Variants in EPHA4 observed in about 807,000 individuals in gnomAD.
The protein encoded by EPHA4 is EPH receptor A4.
In EPHA4, 19 loss-of-function variants were observed where a neutral mutation model predicts 108.3. That is an observed-to-expected ratio of 0.18 (90% CI 0.12 to 0.26). EPHA4 has a LOEUF of 0.26. Ranked by LOEUF, EPHA4 falls within the 10% of genes least tolerant of loss-of-function variation. EPHA4 has a pLI of 1.00. For missense variants in EPHA4, 917 were observed against 1,254.0 expected, an observed-to-expected ratio of 0.73 and a Z score of 4.06; for synonymous variants, 449 against 455.5, an observed-to-expected ratio of 0.99 and a Z score of 0.18.
chr2:221,437,922 G>C (rs62180560), intron 11 of EPHA4, among the ~76,000 whole-genome samples: 38,048 of 151,658 alleles, frequency 0.25, 4,929 homozygotes, highest in African/African-American at 0.31. Flanking sequence ...CAGAGACTCC[G>C]TCTCAAAAAA....
At chr2:221,558,439 C>A (rs984344249) in intron 3 of EPHA4, among the ~76,000 whole-genome samples, 16 of 151,998 alleles carry the variant, frequency 1.1e-4, no homozygotes, top group Non-Finnish European at 1.5e-4. Flanking sequence ...TTCCCCCACC[C>A]CCCGCCATTA....
At chr2:221,457,630 C>A (rs907170473) in intron 6 of EPHA4, among the ~76,000 whole-genome samples, 4 of 152,046 alleles carry the variant, frequency 2.6e-5, no homozygotes, top group Admixed American at 2.0e-4. Context: ...ATTTCATAAT[C>A]ATACTTAATT....
chr2:221,454,049 G>T (rs191865692), intron 8 of EPHA4, among the ~76,000 whole-genome samples: 1 of 151,934 alleles, frequency 6.6e-6, no homozygotes, highest in Non-Finnish European at 1.5e-5. Flanking sequence ...GTGTGGTGGC[G>T]TGTGCCTGTA....
chr2:221,516,450 G>T (rs904135299), intron 3 of EPHA4, among the ~76,000 whole-genome samples: 1 of 150,320 alleles, frequency 6.7e-6, no homozygotes, highest in Admixed American at 6.7e-5. Flanking sequence ...CGCCTCTCAG[G>T]TTCAAGTGAT....
chr2:221,497,248 T>A (rs1692326053), intron 4 of EPHA4, among the ~76,000 whole-genome samples: 1 of 151,928 alleles, frequency 6.6e-6, no homozygotes, highest in Non-Finnish European at 1.5e-5. Flanking sequence ...GCCCCAGAGG[T>A]AGATGGTGAG....
chr2:221,495,385 C>T (rs950708786), intron 4 of EPHA4, among the ~76,000 whole-genome samples: 7 of 152,160 alleles, frequency 4.6e-5, no homozygotes, highest in South Asian at 4.1e-4. Context: ...TGCCTAAAGA[C>T]GGTTTTACAG....
chr2:221,560,870 A>T (rs1694440910), intron 3 of EPHA4, among the ~76,000 whole-genome samples: 1 of 152,162 alleles, frequency 6.6e-6, no homozygotes, highest in South Asian at 2.1e-4. Context: ...GCTACTCTTG[A>T]TGCCTATCAT....
At chr2:221,445,459 G>A (rs1574568942) in intron 9 of EPHA4, among the ~76,000 whole-genome samples, 2 of 151,676 alleles carry the variant, frequency 1.3e-5, no homozygotes, top group African/African-American at 2.4e-5. Context: ...GGGTCGTGGC[G>A]GGTGCCTGTA....
chr2:221,486,306 A>T (rs1394349606), intron 4 of EPHA4, among the ~76,000 whole-genome samples: 5 of 152,140 alleles, frequency 3.3e-5, no homozygotes, highest in Non-Finnish European at 5.9e-5. Flanking sequence ...ACCAGTCCTT[A>T]TGCTTATGTC....
chr2:221,453,464 C>T (rs1690845578), intron 8 of EPHA4, among the ~76,000 whole-genome samples: 1 of 152,010 alleles, frequency 6.6e-6, no homozygotes, highest in African/African-American at 2.4e-5. Flanking sequence ...CGTACATATA[C>T]AAAACTAAAT....
rs941204712 is a variant in EPHA4, at chr2:221,482,106, C to A, written c.1318+246G>T. Among the ~76,000 whole-genome samples the A allele has an allele frequency of 2.0e-5, 3 of 152,054 alleles. No individual in the cohort carries two copies. In the East Asian group the frequency reaches 5.8e-4, roughly 29 times the overall value. ...TTTTTTTGTAGAGATGGGGTGTCATCGTGTTGCCCAGTCTGGTCTTGATCA... is the reference window on the plus strand; with the variant it reads ...TTTTTTTGTAGAGATGGGGTGTCATAGTGTTGCCCAGTCTGGTCTTGATCA... On this transcript the variant is annotated intron_variant, in intron 5 of 17. Transcript: ENST00000281821.
chr2:221,507,107 G>A (rs1692653942), intron 3 of EPHA4, among the ~76,000 whole-genome samples: 1 of 152,168 alleles, frequency 6.6e-6, no homozygotes, highest in Non-Finnish European at 1.5e-5. Context: ...GCCAACCAGT[G>A]ATCTTGTAGG....
intron 3 of EPHA4, among the ~76,000 whole-genome samples, chr2:221,502,111 T>A (rs990878225): frequency 1.3e-5 from 2 of 152,132 alleles, no homozygotes; most frequent in African/African-American, 2.4e-5. Context: ...GTCATCATAC[T>A]GACACTAAGG....
At chr2:221,462,025 T>A (rs1203543539) in intron 5 of EPHA4, among the ~76,000 whole-genome samples, 2 of 145,076 alleles carry the variant, frequency 1.4e-5, no homozygotes, top group Admixed American at 7.4e-5. Flanking sequence ...AAGAAAGAGA[T>A]GCATCATAGA....
chr2:221,425,908 T>A lies in EPHA4; in HGVS notation c.*120A>T. The stretch of plus-strand genomic sequence containing the variant: ...CAAGCAACGCTGCAGATATTGTTTT[T>A]TTTTTTCATTTCTTTAATTTCAGAG... On this transcript the variant is annotated 3_prime_UTR_variant, in exon 17 of 18. Transcript: ENST00000281821. The A allele has an allele frequency of 7.1e-6, 6 of 848,488 alleles. No homozygotes were observed. In the South Asian group the frequency reaches 9.7e-5, roughly 14 times the overall value. 52.6% of individuals were successfully genotyped at this position (848,488 alleles called of 1,614,324 possible).
At position 221,426,158 on chromosome 2, in the gene EPHA4, CA is replaced by C; in HGVS notation, c.2847-17del. 1 of 1,600,678 alleles carries C rather than the reference CA, an allele frequency of 6.2e-7. No homozygotes were observed. Among genetic ancestry groups the C allele is most frequent in the Non-Finnish European group, 8.5e-7 (1 of 1,170,104 alleles). On this transcript the variant is annotated splice_polypyrimidine_tract_variant and intron_variant, in intron 16 of 17. Coordinates refer to ENST00000281821, the MANE Select transcript of EPHA4 (RefSeq NM_004438.5). The stretch of plus-strand genomic sequence containing the variant: ...TGCCAGGTCCCTGTACATAGGGCGA[CA>C]AAAAAGGGACAGAAGAAGTCACAGG...
intron 5 of EPHA4, among the ~76,000 whole-genome samples, chr2:221,459,366 G>A (rs182705407): frequency 1.4e-4 from 21 of 149,816 alleles, no homozygotes; most frequent in Middle Eastern, 7.3e-3. Flanking sequence ...TTGGATCTCA[G>A]GCAAAAACAC....
intron 15 of EPHA4, among the ~76,000 whole-genome samples, chr2:221,427,524 G>C (rs925368308): frequency 1.3e-5 from 2 of 152,142 alleles, no homozygotes; most frequent in African/African-American, 4.8e-5. Context: ...TAACCATAGA[G>C]CAGGCCTTCA....
intron 3 of EPHA4, among the ~76,000 whole-genome samples, chr2:221,519,132 A>G (rs1025412439): frequency 3.3e-5 from 5 of 152,140 alleles, no homozygotes; most frequent in African/African-American, 9.7e-5. Flanking sequence ...CATACAATTC[A>G]CTTGGCAAAG....
Sources: allele counts gnomAD v4.1 joint callset (sites outside exome capture counted in the v4.1 genomes callset), GRCh38; gene constraint gnomAD v4.1.1; transcripts MANE v1.5; gene names NCBI Gene and HGNC (gene_info 2026-07-23, HGNC 2026-07-21).